TCERG1L: variants seen among roughly 807,000 people sequenced by gnomAD.
TCERG1L encodes the protein transcription elongation regulator 1 like, also known as transcription elongation regulator 1-like protein.
Under a neutral mutation model 56.3 loss-of-function variants are expected in TCERG1L, and 37 were observed. That is an observed-to-expected ratio of 0.66 (90% CI 0.51 to 0.87). The LOEUF is 0.87. Among genes scored for constraint, TCERG1L ranks in the 40% least tolerant of loss-of-function variants. The pLI is 0.00. For synonymous variants in TCERG1L, 324 were observed against 326.3 expected (o/e 0.99, Z 0.08); for missense variants, 799 against 774.2 (o/e 1.03, Z -0.38).
At chr10:131,151,627 A>T (rs1414410811) in intron 6 of TCERG1L, among the ~76,000 whole-genome samples, 5 of 152,132 alleles carry the variant, frequency 3.3e-5, no homozygotes, top group Non-Finnish European at 7.4e-5. Flanking sequence ...TGCAAGCTGT[A>T]GGTGAATCTA....
At chr10:131,166,948 C>T in intron 4 of TCERG1L, 63 bp from the exon 5 acceptor site, 1 of 1,459,924 alleles carries the variant, frequency 6.8e-7, no homozygotes, top group South Asian at 1.2e-5. Context: ...AAAACCTAAG[C>T]AATCAAAGAC....
At position 131,112,408 on chromosome 10, in the gene TCERG1L, CCACTGTG is replaced by C. The variant is rs1369037221; in HGVS notation, c.1395+4384_1395+4390del. ...CTTTCTCCCCCTGTCCCCCAGGCCC[CCACTGTG>C]CCTCCCACAAGCCCTAATGATGATG... On this transcript the variant is annotated intron_variant, in intron 9 of 11. Coordinates refer to ENST00000368642, the MANE Select transcript of TCERG1L (RefSeq NM_174937.4). Among the ~76,000 whole-genome samples, 29 of 142,762 alleles carry C rather than the reference CCACTGTG, an allele frequency of 2.0e-4. 4 individuals carry two copies. Among genetic ancestry groups the C allele is most frequent in the African/African-American group, 5.7e-4 (23 of 40,514 alleles). 93.7% of individuals were successfully genotyped at this position (142,762 alleles called of 152,430 possible).
chr10:131,097,227 C>G (rs796911023), intron 11 of TCERG1L, among the ~76,000 whole-genome samples: 6 of 138,642 alleles, frequency 4.3e-5, no homozygotes, highest in Non-Finnish European at 7.9e-5. Context: ...AAAAAAGAAA[C>G]AAACAAAAAA....
chr10:131,147,460 C>A (rs998826192), intron 6 of TCERG1L, among the ~76,000 whole-genome samples: 1 of 152,220 alleles, frequency 6.6e-6, no homozygotes, highest in Non-Finnish European at 1.5e-5. Flanking sequence ...GCTGTCCCCA[C>A]GAGCAAGCGC....
chr10:131,190,573 G>A (rs1845292005), intron 4 of TCERG1L, among the ~76,000 whole-genome samples: 1 of 144,166 alleles, frequency 6.9e-6, no homozygotes. Flanking sequence ...AATTCCTCAT[G>A]ATCAAGTGGG....
intron 6 of TCERG1L, among the ~76,000 whole-genome samples, chr10:131,152,144 T>C (rs1217821376): frequency 6.6e-6 from 1 of 152,244 alleles, no homozygotes; most frequent in Non-Finnish European, 1.5e-5. Flanking sequence ...TTGTTATTTA[T>C]GCAAATTTCT....
chr10:131,207,266 C>G (rs1230671720), intron 4 of TCERG1L, among the ~76,000 whole-genome samples: 2 of 152,008 alleles, frequency 1.3e-5, no homozygotes, highest in African/African-American at 2.4e-5. Context: ...CTGGGAGACC[C>G]CAGAGGTCAC....
At position 131,122,511 on chromosome 10, in the gene TCERG1L, C is replaced by T. The variant is rs533654683; in HGVS notation, c.1260-5577G>A. Among the ~76,000 whole-genome samples, 23 of 152,336 alleles carry T rather than the reference C, an allele frequency of 1.5e-4. No homozygotes were observed. In the South Asian group the frequency reaches 2.5e-3, roughly 16 times the overall value. On this transcript the variant is annotated intron_variant, in intron 8 of 11. Transcript: ENST00000368642. The stretch of plus-strand genomic sequence containing the variant: ...CCTTGAACAGTGAGGCTCAGGATTG[C>T]GCTGGTTGGTGAACACATTAGCATA...
At chr10:131,174,494 G>A (rs1056046345) in intron 4 of TCERG1L, among the ~76,000 whole-genome samples, 1 of 152,076 alleles carries the variant, frequency 6.6e-6, no homozygotes, top group Non-Finnish European at 1.5e-5. Flanking sequence ...CTGGGCTGCA[G>A]GCAGGGCCCA....
chr10:131,145,796 C>A (rs910220053), intron 7 of TCERG1L, among the ~76,000 whole-genome samples: 1 of 152,232 alleles, frequency 6.6e-6, no homozygotes, highest in African/African-American at 2.4e-5. Context: ...TGGCAGGGAG[C>A]TCCTGCTCTC....
intron 3 of TCERG1L, among the ~76,000 whole-genome samples, chr10:131,296,126 A>C (rs899503839): frequency 6.6e-6 from 1 of 152,160 alleles, no homozygotes; most frequent in East Asian, 1.9e-4. Context: ...TTGATGTTCA[A>C]GTCATCAATG....
intron 4 of TCERG1L, among the ~76,000 whole-genome samples, chr10:131,216,494 T>C (rs1032109724): frequency 2.6e-5 from 4 of 152,204 alleles, no homozygotes; most frequent in Non-Finnish European, 5.9e-5. Flanking sequence ...TTGGAAACTC[T>C]ATAGTAGATT....
intron 4 of TCERG1L, among the ~76,000 whole-genome samples, chr10:131,171,287 G>T (rs183248327): frequency 1.3e-5 from 2 of 152,222 alleles, no homozygotes; most frequent in Non-Finnish European, 2.9e-5. Context: ...CAATCAATTC[G>T]CCCTGTTTCC....
chr10:131,108,333 G>A (rs951268836), intron 9 of TCERG1L, among the ~76,000 whole-genome samples: 21 of 152,310 alleles, frequency 1.4e-4, no homozygotes, highest in South Asian at 4.1e-4. Flanking sequence ...CGGTTACAGC[G>A]AAGGGTAGAT....
At chr10:131,196,465 C>T (rs1845364559) in intron 4 of TCERG1L, among the ~76,000 whole-genome samples, 2 of 152,258 alleles carry the variant, frequency 1.3e-5, no homozygotes, top group South Asian at 4.1e-4. Flanking sequence ...CACGCTGACA[C>T]TCACAGCCAA....
chr10:131,307,976 C>T (rs531405272), intron 3 of TCERG1L, among the ~76,000 whole-genome samples: 3 of 152,198 alleles, frequency 2.0e-5, no homozygotes, highest in Admixed American at 6.5e-5. Context: ...CTGTGAAAAC[C>T]CCTTCAGCCA....
intron 4 of TCERG1L, among the ~76,000 whole-genome samples, chr10:131,222,406 T>C (rs550884038): frequency 6.6e-6 from 1 of 152,364 alleles, no homozygotes; most frequent in South Asian, 2.1e-4. Context: ...ATGTGTCAAC[T>C]TCTAGAGCAA....
At chr10:131,302,186 G>T (rs777942526) in intron 3 of TCERG1L, among the ~76,000 whole-genome samples, 1 of 149,830 alleles carries the variant, frequency 6.7e-6, no homozygotes, top group Non-Finnish European at 1.5e-5. Context: ...AACCAAGCTT[G>T]TCTAGTACTG....
At position 131,097,316 on chromosome 10, in the gene TCERG1L, T is replaced by C. The variant is rs1421977850; in HGVS notation, c.1604+990A>G. Among the ~76,000 whole-genome samples the C allele has an allele frequency of 1.3e-5, 2 of 152,218 alleles. 1 individual carries two copies. Among genetic ancestry groups the C allele is most frequent in the East Asian group, 3.8e-4 (2 of 5,198 alleles). ...GCTTACGAAACTTACAGTTTTATAG[T>C]TCTAAAAGTAGTACATGTTCATTAC... On this transcript the variant is annotated intron_variant, in intron 11 of 11. Transcript: ENST00000368642.
Sources: gnomAD v4.1 joint callset for allele counts (sites outside exome capture counted in the v4.1 genomes callset) on GRCh38, gnomAD v4.1.1 for gene constraint, MANE v1.5 for transcripts, NCBI Gene and HGNC (gene_info 2026-07-23, HGNC 2026-07-21) for gene names.